TRIO: variants seen among roughly 807,000 people sequenced by gnomAD.
TRIO encodes triple functional domain protein.
In TRIO, 58 loss-of-function variants were observed where a neutral mutation model predicts 351.9. The observed-to-expected ratio is 0.16, with a 90% CI of 0.13 to 0.21. The LOEUF (loss-of-function observed/expected upper bound fraction) is 0.21. Ranked by LOEUF, TRIO falls within the 10% of genes least tolerant of loss-of-function variation. The probability of loss-of-function intolerance (pLI) is 1.00; values close to 1 mark genes in which losing one functional copy is unlikely to be tolerated. For synonymous variants in TRIO, 1,758 were observed against 1,595.7 expected (o/e 1.10, Z -2.42); for missense variants, 3,201 against 4,027.8 (o/e 0.79, Z 5.56).
chr5:14,211,872 G>T (rs1362032110), intron 1 of TRIO, among the ~76,000 whole-genome samples: 1 of 151,572 alleles, frequency 6.6e-6, no homozygotes, highest in Non-Finnish European at 1.5e-5. Flanking sequence ...TCAACTTTGA[G>T]AGGCCAAAGT....
chr5:14,318,874 G>A (rs1278918033), intron 9 of TRIO, among the ~76,000 whole-genome samples: 1 of 152,160 alleles, frequency 6.6e-6, no homozygotes, highest in Non-Finnish European at 1.5e-5. Flanking sequence ...TCCCAAGAGG[G>A]GGCCTCATTA....
intron 34 of TRIO, among the ~76,000 whole-genome samples, chr5:14,447,772 T>G (rs1752548711): frequency 6.6e-6 from 1 of 152,274 alleles, no homozygotes; most frequent in African/African-American, 2.4e-5. Context: ...CATGTAAGAT[T>G]AGATCTTTCA....
At position 14,388,466 on chromosome 5, in the gene TRIO, C is replaced by G. The variant is rs1746745073; in HGVS notation, c.3882-147C>G. 4 of 744,554 alleles carry G rather than the reference C, an allele frequency of 5.4e-6. No homozygotes were observed. The African/African-American group carries it at 7.0e-5, about 13-fold the overall frequency. 46.1% of individuals were successfully genotyped at this position (744,554 alleles called of 1,614,324 possible). Reference sequence around the variant, plus strand: ...TCCCCTTTGAATTAGCGGGTGGATACTGTTCTATTTGTGATTCACCTCTCC... The same window carrying G: ...TCCCCTTTGAATTAGCGGGTGGATAGTGTTCTATTTGTGATTCACCTCTCC... On this transcript the variant is annotated intron_variant, in intron 23 of 56. Coordinates refer to ENST00000344204, the MANE Select transcript of TRIO (RefSeq NM_007118.4).
At chr5:14,227,008 A>G (rs542021114) in intron 1 of TRIO, among the ~76,000 whole-genome samples, 3 of 152,128 alleles carry the variant, frequency 2.0e-5, no homozygotes, top group Non-Finnish European at 4.4e-5. Flanking sequence ...GAAAAACATC[A>G]TAGGAAAGCT....
intron 18 of TRIO, 120 bp downstream of exon 18, chr5:14,369,643 T>A: frequency 7.8e-7 from 1 of 1,288,916 alleles, no homozygotes; most frequent in Non-Finnish European, 1.0e-6. Flanking sequence ...CTGTGGAATG[T>A]AACGGGGCAG....
intron 46 of TRIO, 28 bp downstream of exon 46, chr5:14,482,801 T>C: frequency 6.6e-7 from 1 of 1,506,260 alleles, no homozygotes. Flanking sequence ...GTGATTTCTC[T>C]GTGCCAGCGC....
At chr5:14,490,876 G>C in intron 48 of TRIO, 1 of 455,794 alleles carries the variant, frequency 2.2e-6, no homozygotes. Flanking sequence ...CAGTACTCTT[G>C]GGCATTGCCA....
intron 1 of TRIO, among the ~76,000 whole-genome samples, chr5:14,255,552 C>G (rs1661544100): frequency 6.6e-6 from 1 of 152,158 alleles, no homozygotes. Context: ...TTCCAGCGTC[C>G]CTCCTCTGAA....
intron 34 of TRIO, among the ~76,000 whole-genome samples, chr5:14,449,655 C>T (rs1271555345): frequency 6.6e-6 from 1 of 152,188 alleles, no homozygotes. Context: ...GGTCCTGTTC[C>T]GTTCAGGACA....
intron 11 of TRIO, among the ~76,000 whole-genome samples, chr5:14,350,079 A>G (rs1742918254): frequency 6.6e-6 from 1 of 152,188 alleles, no homozygotes; most frequent in Non-Finnish European, 1.5e-5. Context: ...ACTGCATAGT[A>G]TACTCTGAAA....
At chr5:14,380,961 T>C (rs932217546) in intron 20 of TRIO, among the ~76,000 whole-genome samples, 169 bp from the exon 21 acceptor site, 1 of 152,240 alleles carries the variant, frequency 6.6e-6, no homozygotes, top group African/African-American at 2.4e-5. Flanking sequence ...ATTTTGTAAT[T>C]GTGGTCACAC....
chr5:14,494,517 T>A (rs1478198206), intron 49 of TRIO, among the ~76,000 whole-genome samples: 1 of 152,182 alleles, frequency 6.6e-6, no homozygotes, highest in African/African-American at 2.4e-5. Context: ...TGCAAGGAGA[T>A]TCGTGTTGTT....
intron 33 of TRIO, among the ~76,000 whole-genome samples, chr5:14,415,289 G>T (rs2152386535): frequency 6.6e-6 from 1 of 152,302 alleles, no homozygotes; most frequent in South Asian, 2.1e-4. Flanking sequence ...TTGCAGCGAA[G>T]ACTGACTGCA....
intron 34 of TRIO, among the ~76,000 whole-genome samples, chr5:14,454,782 C>T (rs753639901): frequency 7.9e-5 from 12 of 152,226 alleles, no homozygotes; most frequent in Non-Finnish European, 1.5e-4. Flanking sequence ...GGTTCTTGGT[C>T]TCACTGACTT....
chr5:14,315,726 G>T (rs142499677), intron 8 of TRIO, among the ~76,000 whole-genome samples: 1 of 152,044 alleles, frequency 6.6e-6, no homozygotes, highest in Non-Finnish European at 1.5e-5. Flanking sequence ...AACATCTGGC[G>T]TAATTAATTA....
At chr5:14,439,732 C>T (rs1035190556) in intron 34 of TRIO, among the ~76,000 whole-genome samples, 4 of 152,168 alleles carry the variant, frequency 2.6e-5, no homozygotes, top group African/African-American at 7.2e-5. Context: ...GGATCTATCA[C>T]GGGACCGTTT....
intron 1 of TRIO, among the ~76,000 whole-genome samples, chr5:14,183,099 G>T (rs1001145761): frequency 2.6e-5 from 4 of 152,176 alleles, no homozygotes; most frequent in African/African-American, 7.2e-5. Flanking sequence ...TGGGGTCTTC[G>T]TTAGGGTTCA....
At position 14,487,920 on chromosome 5, in the gene TRIO, A is replaced by G. The variant is rs1756092380; in HGVS notation, c.7292A>G (p.Asp2431Gly). The G allele has an allele frequency of 6.5e-7, 1 of 1,538,538 alleles. No homozygotes were observed. The highest frequency in any genetic ancestry group is 8.7e-7 in the Non-Finnish European group (1 of 1,143,088). ...GCGAACGCCTCGGGGTCGAGCCCAG[A>G]CGCCCCCGCCAAGGACGCGCGCGCT... Reference protein sequence around the residue: ...GAANASGSSPDAPAKDARASL... With the variant: ...GAANASGSSPGAPAKDARASL... The change falls in exon 48 of 57, where the codon GAC (aspartate) becomes GGC (glycine). Residue 2431 changes from aspartate (D) to glycine (G), a missense_variant. Coordinates refer to ENST00000344204, the MANE Select transcript of TRIO (RefSeq NM_007118.4).
At chr5:14,267,139 TG>T (rs1261603649) in intron 1 of TRIO, among the ~76,000 whole-genome samples, 1 of 152,224 alleles carries the variant, frequency 6.6e-6, no homozygotes, top group Non-Finnish European at 1.5e-5. Flanking sequence ...TCCCCCAATT[TG>T]GGCCATTTAC....
Sources: allele counts gnomAD v4.1 joint callset (sites outside exome capture counted in the v4.1 genomes callset), GRCh38; gene constraint gnomAD v4.1.1; transcripts MANE v1.5; gene names NCBI Gene and HGNC (gene_info 2026-07-23, HGNC 2026-07-21).